Variants in LRRC4C observed in about 807,000 individuals in gnomAD.
LRRC4C encodes the protein leucine-rich repeat-containing protein 4C.
In LRRC4C, 5 loss-of-function variants were observed where a neutral mutation model predicts 33.6. That is an observed-to-expected ratio of 0.15 (90% confidence interval 0.08 to 0.31). LRRC4C has a LOEUF of 0.31. LRRC4C is among the 10% of genes least tolerant of loss of function. The probability of loss-of-function intolerance (pLI) is 1.00; values close to 1 mark genes in which losing one functional copy is unlikely to be tolerated. For synonymous variants in LRRC4C, 329 were observed against 302.0 expected (o/e 1.09, Z -0.93); for missense variants, 560 against 796.7 (o/e 0.70, Z 3.58).
intron 5 of LRRC4C, among the ~76,000 whole-genome samples, chr11:40,148,753 C>A (rs1042780858): frequency 2.0e-5 from 3 of 152,066 alleles, no homozygotes; most frequent in Non-Finnish European, 4.4e-5. Context: ...TAAATTCTTG[C>A]CTGTTCCTAT....
At chr11:40,474,234 A>G (rs1271918495) in intron 3 of LRRC4C, among the ~76,000 whole-genome samples, 4 of 152,216 alleles carry the variant, frequency 2.6e-5, no homozygotes, top group Non-Finnish European at 2.9e-5. Flanking sequence ...CAAAACAGAT[A>G]TATAGACCAA....
intron 2 of LRRC4C, among the ~76,000 whole-genome samples, chr11:40,896,915 A>G (rs1480313237): frequency 1.3e-5 from 2 of 152,316 alleles, no homozygotes; most frequent in Middle Eastern, 3.4e-3. Flanking sequence ...AATTCCAAAG[A>G]GGAATTCTTA....
chr11:41,435,696 T>C (rs1421494272), intron 1 of LRRC4C, among the ~76,000 whole-genome samples: 2 of 152,230 alleles, frequency 1.3e-5, no homozygotes, highest in African/African-American at 4.8e-5. Context: ...CCATTCATAG[T>C]ACAATTATTA....
intron 6 of LRRC4C, among the ~76,000 whole-genome samples, chr11:40,130,797 C>T (rs1016181844): frequency 2.0e-5 from 3 of 152,118 alleles, no homozygotes; most frequent in African/African-American, 4.8e-5. Flanking sequence ...CAGTGTGTTC[C>T]GACTCTAAAA....
At chr11:40,528,118 T>TA (rs1956129985) in intron 3 of LRRC4C, among the ~76,000 whole-genome samples, 2 of 152,082 alleles carry the variant, frequency 1.3e-5, no homozygotes, top group African/African-American at 4.8e-5. Context: ...TGAAAAATTT[T>TA]AAAAAACTGA....
chr11:40,962,494 G>A (rs879274059), intron 1 of LRRC4C, among the ~76,000 whole-genome samples: 6 of 151,664 alleles, frequency 4.0e-5, no homozygotes, highest in African/African-American at 9.7e-5. Context: ...GAATAATAAC[G>A]TATTGTAATA....
intron 1 of LRRC4C, among the ~76,000 whole-genome samples, chr11:41,029,259 T>A (rs915677694): frequency 6.6e-6 from 1 of 151,730 alleles, no homozygotes; most frequent in African/African-American, 2.4e-5. Context: ...ACTTTTAAGG[T>A]GTGTACACAT....
chr11:40,430,745 T>C (rs1440608196), intron 3 of LRRC4C, among the ~76,000 whole-genome samples: 3 of 152,018 alleles, frequency 2.0e-5, no homozygotes, highest in Admixed American at 6.6e-5. Context: ...TGATGTTACG[T>C]CAAATAAAGA....
chr11:40,718,875 T>G (rs906062911), intron 2 of LRRC4C, among the ~76,000 whole-genome samples: 4 of 152,170 alleles, frequency 2.6e-5, no homozygotes, highest in Admixed American at 2.0e-4. Flanking sequence ...ATTCATTTCC[T>G]ACCCTCTCAT....
chr11:40,158,915 A>T (rs745594508), intron 5 of LRRC4C, among the ~76,000 whole-genome samples: 2 of 152,154 alleles, frequency 1.3e-5, no homozygotes, highest in African/African-American at 2.4e-5. Context: ...ATGAAATGAA[A>T]CTTCCTGGTT....
intron 1 of LRRC4C, among the ~76,000 whole-genome samples, chr11:41,354,262 T>C (rs2137600192): frequency 6.6e-6 from 1 of 151,994 alleles, no homozygotes; most frequent in East Asian, 1.9e-4. Context: ...AAGAACACAA[T>C]CACATTCACA....
chr11:40,882,107 G>T (rs1352736066), intron 2 of LRRC4C, among the ~76,000 whole-genome samples: 4 of 152,048 alleles, frequency 2.6e-5, no homozygotes, highest in Non-Finnish European at 4.4e-5. Context: ...TTATAAATGA[G>T]TATTGGGAAT....
At chr11:41,371,028 C>T (rs1240957361) in intron 1 of LRRC4C, among the ~76,000 whole-genome samples, 1 of 152,052 alleles carries the variant, frequency 6.6e-6, no homozygotes, top group African/African-American at 2.4e-5. Flanking sequence ...TGAAATTTTT[C>T]CTTACTGGCT....
intron 1 of LRRC4C, among the ~76,000 whole-genome samples, chr11:41,043,346 C>T (rs983781883): frequency 6.6e-6 from 1 of 152,046 alleles, no homozygotes; most frequent in Admixed American, 6.6e-5. Context: ...AACAGCACTT[C>T]CTTGTCCTCT....
At chr11:40,883,513 A>T (rs1457222372) in intron 2 of LRRC4C, among the ~76,000 whole-genome samples, 2 of 152,130 alleles carry the variant, frequency 1.3e-5, no homozygotes, top group African/African-American at 2.4e-5. Context: ...ATCTTAATTC[A>T]TGGGTGCAAT....
intron 3 of LRRC4C, among the ~76,000 whole-genome samples, chr11:40,533,438 T>C (rs1956349536): frequency 6.6e-6 from 1 of 150,728 alleles, no homozygotes; most frequent in Non-Finnish European, 1.5e-5. Context: ...CCTCAGGGTC[T>C]CTTTTTGCCT....
chr11:40,140,018 C>T (rs1857253841), intron 6 of LRRC4C, among the ~76,000 whole-genome samples: 1 of 152,130 alleles, frequency 6.6e-6, no homozygotes, highest in Non-Finnish European at 1.5e-5. Flanking sequence ...TTTCCACCTA[C>T]TGTGTGTCAG....
In LRRC4C at chr11:40,580,496, G is replaced by T. The variant is rs114578878; in HGVS notation, c.-270+67646C>A. Reference sequence around the variant, plus strand: ...GACGCAATTTGGGTGGGGATGCAGAGTCAAACCATATCAGCTACTGACCTT... The same window carrying T: ...GACGCAATTTGGGTGGGGATGCAGATTCAAACCATATCAGCTACTGACCTT... On this transcript the variant is annotated intron_variant, in intron 3 of 6. Coordinates refer to ENST00000528697, the MANE Select transcript of LRRC4C (RefSeq NM_001258419.2). 1.2e-3 allele frequency among the ~76,000 whole-genome samples: 189 copies of T among 152,282 alleles called. 2 individuals are homozygous for T. The highest frequency in any genetic ancestry group is 4.5e-3 in the African/African-American group (186 of 41,558).
chr11:40,170,010 C>A (rs1859915152), intron 5 of LRRC4C, among the ~76,000 whole-genome samples: 2 of 152,100 alleles, frequency 1.3e-5, no homozygotes, highest in Non-Finnish European at 1.5e-5. Flanking sequence ...AATGGTAGTA[C>A]TAGCTTGGCT....
Sources: gnomAD v4.1 joint callset for allele counts (sites outside exome capture counted in the v4.1 genomes callset) on GRCh38, gnomAD v4.1.1 for gene constraint, MANE v1.5 for transcripts, NCBI Gene and HGNC (gene_info 2026-07-23, HGNC 2026-07-21) for gene names.